The following TTN variants were observed in gnomAD, a reference collection of about 807,000 sequenced individuals.
TTN encodes connectin.
Under a neutral mutation model 3,223.0 loss-of-function variants are expected in TTN, and 1,525 were observed. The ratio of observed to expected loss-of-function variants is 0.47; its 90% CI spans 0.45 to 0.49. TTN has a LOEUF of 0.49. TTN is among the 20% of genes least tolerant of loss of function. The pLI is 0.00. For synonymous variants in TTN, 14,094 were observed against 15,161.0 expected (o/e 0.93, Z 5.17); for missense variants, 40,786 against 43,424.0 (o/e 0.94, Z 5.40).
chr2:178,784,278 G>T lies in TTN; in HGVS notation c.2567C>A (p.Thr856Asn). The change falls in exon 16 of 363, where the codon ACC (threonine) becomes AAC (asparagine). Residue 856 changes from threonine (T) to asparagine (N), a missense_variant. Physicochemically the swap from Thr to Asn is moderately conservative, Grantham distance 65. Transcript: ENST00000589042. ...LSATSSAQKI[T>N]KSVKAPTVKP... ...CACAGTAGGAGCCTTCACCGATTTG[G>T]TGATCTTCTGAGCAGAAGATGTGGC... 1 of 1,614,092 alleles carries T rather than the reference G, an allele frequency of 6.2e-7. No individual in the cohort carries two copies. Among genetic ancestry groups the T allele is most frequent in the Non-Finnish European group, 8.5e-7 (1 of 1,179,982 alleles).
At position 178,740,607 on chromosome 2, in the gene TTN, G is replaced by T. The variant is rs781439908; in HGVS notation, c.12626C>A (p.Pro4209His). Residue 4209 changes from proline (P) to histidine (H), a missense_variant, in exon 48 of 363, where the codon CCT becomes CAT. Physicochemically the swap from Pro to His is moderately conservative, Grantham distance 77. Coordinates refer to ENST00000589042, the MANE Select transcript of TTN (RefSeq NM_001267550.2). Reference protein sequence around the residue: ...VEPLKTLLAEPEGNYPQSSIE... With the variant: ...VEPLKTLLAEHEGNYPQSSIE... ...TGAAGACTGTGGATAATTCCCTTCA[G>T]GTTCAGCTAATAAAGTTTTCAGAGG... 1.4e-5 allele frequency: 22 copies of T among 1,613,660 alleles called. No homozygotes were observed. Among genetic ancestry groups the T allele is most frequent in the Non-Finnish European group, 1.6e-5 (19 of 1,179,826 alleles).
Position 178,715,206 on chromosome 2 carries a change from A to G in TTN, c.25980T>C (p.Val8660=), listed in dbSNP as rs1323872872. Residue 8660 remains valine (V), a synonymous_variant, in exon 90 of 363, where the codon GTT becomes GTC. Coordinates refer to ENST00000589042, the MANE Select transcript of TTN (RefSeq NM_001267550.2). ...HPIETLKGAD[V]HLECELQGTP... ...TGCCCTGAAGCTCACATTCAAGGTG[A>G]ACATCAGCTCCTTTCAGTGTCTCTA... 1 of 1,613,694 alleles carries G rather than the reference A, an allele frequency of 6.2e-7. No individual in the cohort carries two copies. The highest frequency in any genetic ancestry group is 1.7e-5 in the Admixed American group (1 of 60,000).
chr2:178,590,731 C>T lies in TTN; in HGVS notation c.60994G>A (p.Val20332Met), dbSNP rs961573875. ...GTATTTCCTTCATAGAGTCCAGTCACTCTGAACTTCAGGTCAGCGATAGGT... is the reference window on the plus strand; with the variant it reads ...GTATTTCCTTCATAGAGTCCAGTCATTCTGAACTTCAGGTCAGCGATAGGT... ...KTPIADLKFR[V>M]TGLYEGNTYE... Residue 20332 changes from valine to methionine, a missense_variant, in exon 304 of 363, where the codon GTG becomes ATG. Val to Met is a conservative substitution (Grantham distance 21). Transcript: ENST00000589042. 9 of 1,612,034 alleles carry T rather than the reference C, an allele frequency of 5.6e-6. No individual in the cohort carries two copies. The highest frequency in any genetic ancestry group is 1.3e-5 in the African/African-American group (1 of 74,864).
At chr2:178,715,294 G>A (rs1577907067) in intron 89 of TTN, 30 bp from the exon 90 acceptor site, 4 of 1,572,920 alleles carry the variant, frequency 2.5e-6, no homozygotes, top group Middle Eastern at 2.1e-4. Flanking sequence ...AAATACGGAT[G>A]TATTCTGTAA....
At chr2:178,667,106 G>T (rs1041722805) in intron 162 of TTN, 130 bp downstream of exon 162, 5 of 964,060 alleles carry the variant, frequency 5.2e-6, no homozygotes, top group Non-Finnish European at 7.6e-6. Flanking sequence ...TTTGTTGTGG[G>T]TATATCAGAT....
intron 167 of TTN, 48 bp from the exon 168 acceptor site, chr2:178,664,585 A>T (rs1211187791): frequency 1.9e-6 from 3 of 1,605,164 alleles, no homozygotes; most frequent in Non-Finnish European, 2.6e-6. Flanking sequence ...AAGAATCAAC[A>T]CAATCAGGAA....
Position 178,771,279 on chromosome 2 carries a change from A to T in TTN, c.8048T>A (p.Leu2683Ter), listed in dbSNP as rs770445596. Reference protein sequence around the residue: ...KRRLIIAATKLDDIGEYTYKV... With the variant: ...KRRLIIAATK ...GTAGGTATATTCTCCAATGTCATCT[A>T]ATTTGGTGGCAGCAATGATAAGTCT... The change falls in exon 34 of 363, where the codon TTA becomes TAA. Residue 2683 changes from leucine (L) to a stop codon, truncating the protein, a stop_gained. Transcript: ENST00000589042. LOFTEE classifies it high-confidence loss of function. 1 of 1,614,094 alleles carries T rather than the reference A, an allele frequency of 6.2e-7. No individual in the cohort carries two copies. Among genetic ancestry groups the T allele is most frequent in the South Asian group, 1.1e-5 (1 of 91,082 alleles).
In TTN at chr2:178,731,370, T is replaced by G; in HGVS notation, c.17396A>C (p.Lys5799Thr). Residue 5799 changes from lysine (K) to threonine (T), a missense_variant, in exon 59 of 363, where the codon AAA becomes ACA. Lys to Thr is a moderately conservative substitution (Grantham distance 78). Transcript: ENST00000589042. ...ATCATTTTTGGCCTGACAGACATAT[T>G]TCCCATCATGCTTGACTTCAATGCC... is the stretch of plus-strand genomic sequence containing the variant. The part of the protein sequence containing the change: ...LSGIEVKHDG[K>T]YVCQAKNDAG... 1 of 1,613,818 alleles carries G rather than the reference T, an allele frequency of 6.2e-7. No homozygotes were observed. The highest frequency in any genetic ancestry group is 1.1e-5 in the South Asian group (1 of 91,074).
Position 178,576,285 on chromosome 2 carries a change from C to G in TTN, c.69847G>C (p.Gly23283Arg). 2 of 1,602,272 alleles carry G rather than the reference C, an allele frequency of 1.2e-6. No individual in the cohort carries two copies. Among genetic ancestry groups the G allele is most frequent in the Non-Finnish European group, 1.7e-6 (2 of 1,175,130 alleles). ...TGYVVEHQKVGDEAWIKDTTG... is the reference protein window; with the variant it reads ...TGYVVEHQKVRDEAWIKDTTG... ...GTATCTTTTATCCAGGCCTCGTCTC[C>G]TACTTTTTGATGCTCCACGACATAG... The change falls in exon 326 of 363, where the codon GGA becomes CGA. Residue 23283 changes from glycine (G) to arginine (R), a missense_variant. By Grantham distance (125) the Gly-to-Arg change is moderately radical (BLOSUM62 -2). Transcript: ENST00000589042. The surrounding 1 kb of genome is among the most constrained non-coding windows in gnomAD (Gnocchi z 4.3).
chr2:178,618,706 G>A lies in TTN; in HGVS notation c.46844C>T (p.Thr15615Ile), dbSNP rs781713686. Residue 15615 changes from threonine (T) to isoleucine (I), a missense_variant, in exon 251 of 363, where the codon ACT becomes ATT. Coordinates refer to ENST00000589042, the MANE Select transcript of TTN (RefSeq NM_001267550.2). The part of the protein sequence containing the change: ...NEPLSTKTID[T>I]TAEQTSFRIL... ...TCTGAAAGAAGTTTGTTCAGCCGTA[G>A]TATCAATGGTTTTTGTAGATAAAGG... 2 of 1,612,082 alleles carry A rather than the reference G, an allele frequency of 1.2e-6. No homozygotes were observed. The highest frequency in any genetic ancestry group is 1.1e-5 in the South Asian group (1 of 91,014).
chr2:178,729,653 C>T lies in TTN; in HGVS notation c.18589+11G>A. 6 of 1,613,660 alleles carry T rather than the reference C, an allele frequency of 3.7e-6. No homozygotes were observed. The highest frequency in any genetic ancestry group is 2.2e-5 in the East Asian group (1 of 44,864). ...CACAGCCAAAATGGAGAATAGATTC[C>T]ATTCACGAACCTTTCACTTTGAGTT... is the stretch of plus-strand genomic sequence containing the variant. On this transcript the variant is annotated intron_variant, in intron 63 of 362. Coordinates refer to ENST00000589042, the MANE Select transcript of TTN (RefSeq NM_001267550.2).
chr2:178,784,363 CAG>C lies in TTN; in HGVS notation c.2494-14_2494-13del, dbSNP rs779257739. On this transcript the variant is annotated splice_polypyrimidine_tract_variant and intron_variant, in intron 15 of 362. Coordinates refer to ENST00000589042, the MANE Select transcript of TTN (RefSeq NM_001267550.2). The stretch of plus-strand genomic sequence containing the variant: ...CCGGCTATTGATGCCTACATGGAAA[CAG>C]AGTCAGAAAATAAAGTCATTTAACC... 1.2e-6 allele frequency: 2 copies of C among 1,613,684 alleles called. No individual in the cohort carries two copies. Among genetic ancestry groups the C allele is most frequent in the African/African-American group, 1.3e-5 (1 of 74,922 alleles).
Position 178,614,272 on chromosome 2 carries a change from T to C in TTN, c.49125A>G (p.Pro16375=). The change falls in exon 262 of 363, where the codon CCA becomes CCG. Residue 16375 remains proline, a synonymous_variant. Transcript: ENST00000589042. The stretch of plus-strand genomic sequence containing the variant: ...TGATCTTAGATCCACCATCATCGCG[T>C]GGTGGGTTCCATGTTAGAAGACATG... ...NESCLLTWNP[P]RDDGGSKITN... 6.2e-7 allele frequency: 1 copy of C among 1,612,702 alleles called. No homozygotes were observed. The highest frequency in any genetic ancestry group is 8.5e-7 in the Non-Finnish European group (1 of 1,179,262).
At position 178,701,199 on chromosome 2, in the gene TTN, G is replaced by A; in HGVS notation, c.30603C>T (p.Ile10201=). ...GGATAGGAGGAGCAACCACAGGAGG[G>A]ATTTCTGAAGAAAATAAATGCCGTT... ...MPIRAVPPEE[I]PPVVAPPIPL... Residue 10201 remains isoleucine, a synonymous_variant, in exon 111 of 363, where the codon ATC becomes ATT. Transcript: ENST00000589042. The A allele has an allele frequency of 3.1e-6, 5 of 1,604,090 alleles. No homozygotes were observed. Among genetic ancestry groups the A allele is most frequent in the Non-Finnish European group, 4.2e-6 (5 of 1,177,118 alleles).
intron 326 of TTN, 56 bp from the exon 327 acceptor site, chr2:178,558,693 T>G (rs1313609534): frequency 6.5e-7 from 1 of 1,532,460 alleles, no homozygotes; most frequent in Non-Finnish European, 8.8e-7. Flanking sequence ...CTTTTAAATG[T>G]GCACTCTTCA....
intron 166 of TTN, 23 bp downstream of exon 166, chr2:178,664,829 C>T (rs1329516046): frequency 6.8e-6 from 11 of 1,610,784 alleles, no homozygotes; most frequent in South Asian, 1.1e-5. Flanking sequence ...AGTTCTTGAC[C>T]CTGAGAGCAT....
rs2154165266 is a variant in TTN at position 178,566,001 on chromosome 2, C to T, written c.80131G>A (p.Gly26711Arg). The change falls in exon 326 of 363, where the codon GGA (glycine) becomes AGA (arginine). Residue 26711 changes from glycine (G) to arginine (R), a missense_variant. Coordinates refer to ENST00000589042, the MANE Select transcript of TTN (RefSeq NM_001267550.2). Reference protein sequence around the residue: ...FLVWEPPIIDGGAKVKNYVID... With the variant: ...FLVWEPPIIDRGAKVKNYVID... Reference sequence around the variant, plus strand: ...ACATAGTTCTTGACCTTTGCCCCTCCATCAATGATGGGTGGCTCCCATACC... The same window carrying T: ...ACATAGTTCTTGACCTTTGCCCCTCTATCAATGATGGGTGGCTCCCATACC... The T allele has an allele frequency of 1.9e-6, 3 of 1,613,542 alleles. No homozygotes were observed. Among genetic ancestry groups the T allele is most frequent in the Non-Finnish European group, 2.5e-6 (3 of 1,179,612 alleles).
intron 47 of TTN, chr2:178,748,201 A>G (rs2084233775): frequency 1.9e-6 from 3 of 1,613,046 alleles, no homozygotes; most frequent in South Asian, 2.2e-5. Flanking sequence ...GAAGTAGGGC[A>G]CATGATTCAC....
chr2:178,771,227 G>C lies in TTN; in HGVS notation c.8100C>G (p.Ala2700=), dbSNP rs1241658976. The C allele has an allele frequency of 6.2e-7, 1 of 1,613,884 alleles. No homozygotes were observed. The highest frequency in any genetic ancestry group is 8.5e-7 in the Non-Finnish European group (1 of 1,179,988). ...TYKVATSKTS[A]KLKVEAVKIK... ...GTTACTTGCCTTCAACTTTGAGTTT[G>C]GCAGATGTTTTGGAGGTGGCCACCT... Residue 2700 remains alanine, a synonymous_variant, in exon 34 of 363, where the codon GCC becomes GCG. Coordinates refer to ENST00000589042, the MANE Select transcript of TTN (RefSeq NM_001267550.2).
Sources: allele counts gnomAD v4.1 joint callset, GRCh38; gene constraint gnomAD v4.1.1; non-coding constraint Gnocchi (gnomAD v3.1); transcripts MANE v1.5; gene names NCBI Gene and HGNC (gene_info 2026-07-23, HGNC 2026-07-21).